FGF2: variants seen among roughly 807,000 people sequenced by gnomAD.
The protein encoded by FGF2 is basic fibroblast growth factor bFGF.
Under a neutral mutation model 15.9 loss-of-function variants are expected in FGF2, and 13 were observed. The observed-to-expected ratio is 0.82, with a 90% CI of 0.53 to 1.30. FGF2 has a LOEUF of 1.30. Among genes scored for constraint, FGF2 ranks in the 50% most tolerant of loss-of-function variants. The pLI is 0.00. For synonymous variants in FGF2, 90 were observed against 78.4 expected, an observed-to-expected ratio of 1.15 and a Z score of -0.78; for missense variants, 163 against 196.9, an observed-to-expected ratio of 0.83 and a Z score of 1.03.
intron 2 of FGF2, among the ~76,000 whole-genome samples, chr4:122,877,429 C>G (rs1195488357): frequency 6.6e-6 from 1 of 152,100 alleles, no homozygotes; most frequent in African/African-American, 2.4e-5. Flanking sequence ...AGGAACTTTT[C>G]TTTTTTACAT....
intron 1 of FGF2, among the ~76,000 whole-genome samples, chr4:122,875,590 C>T (rs45472597): frequency 0.014 from 2,169 of 152,096 alleles, 52 homozygotes; most frequent in African/African-American, 0.049. Flanking sequence ...AGGTGGGTCA[C>T]GAGGTCAGGA....
In FGF2 at chr4:122,892,357, G is replaced by C. The variant is rs1188387338; in HGVS notation, c.429G>C (p.Gln143His). ...TTGGATCCAAAACAGGACCTGGGCAGAAAGCTATACTTTTTCTTCCAATGT... is the reference window on the plus strand; with the variant it reads ...TTGGATCCAAAACAGGACCTGGGCACAAAGCTATACTTTTTCTTCCAATGT... The part of the protein sequence containing the change: ...YKLGSKTGPG[Q>H]KAILFLPMSA... Residue 143 changes from glutamine (Q) to histidine (H), a missense_variant, in exon 3 of 3, where the codon CAG (glutamine) becomes CAC (histidine). By Grantham distance (24) the Gln-to-His change is conservative. Coordinates refer to ENST00000644866, the MANE Select transcript of FGF2 (RefSeq NM_001361665.2). The C allele has an allele frequency of 6.2e-7, 1 of 1,614,154 alleles. No homozygotes were observed. Among genetic ancestry groups the C allele is most frequent in the East Asian group, 2.2e-5 (1 of 44,872 alleles).
intron 1 of FGF2, among the ~76,000 whole-genome samples, chr4:122,851,635 G>T (rs1664511387): frequency 6.6e-6 from 1 of 152,198 alleles, no homozygotes; most frequent in East Asian, 1.9e-4. Context: ...TGTCTAAATA[G>T]GGGCTAGAAT....
intron 2 of FGF2, among the ~76,000 whole-genome samples, chr4:122,881,464 G>T (rs901505780): frequency 1.3e-5 from 2 of 152,164 alleles, no homozygotes; most frequent in Admixed American, 1.3e-4. Flanking sequence ...CATTTCTTCC[G>T]CCAGATACCC....
chr4:122,854,429 A>G, intron 1 of FGF2, among the ~76,000 whole-genome samples: 1 of 152,332 alleles, frequency 6.6e-6, no homozygotes, highest in South Asian at 2.1e-4. Context: ...ACAATTTCAA[A>G]TAGCATATTT....
At chr4:122,835,131 T>G (rs1419045892) in intron 1 of FGF2, among the ~76,000 whole-genome samples, 2 of 152,166 alleles carry the variant, frequency 1.3e-5, no homozygotes, top group Non-Finnish European at 2.9e-5. Flanking sequence ...TCCCCCAAAC[T>G]GCTGTTGAAA....
chr4:122,845,614 A>C (rs1354424541), intron 1 of FGF2, among the ~76,000 whole-genome samples: 1 of 152,194 alleles, frequency 6.6e-6, no homozygotes, highest in East Asian at 1.9e-4. Context: ...TGTTTATGTT[A>C]TGGAGATGGC....
At chr4:122,886,262 AG>A (rs1418053849) in intron 2 of FGF2, among the ~76,000 whole-genome samples, 2 of 152,026 alleles carry the variant, frequency 1.3e-5, no homozygotes, top group African/African-American at 4.8e-5. Context: ...AGTGTTTGAG[AG>A]GAAGACTATA....
At chr4:122,885,980 G>A (rs763943295) in intron 2 of FGF2, among the ~76,000 whole-genome samples, 2 of 133,618 alleles carry the variant, frequency 1.5e-5, no homozygotes, top group Non-Finnish European at 3.1e-5. Flanking sequence ...GGGCAGTGGT[G>A]TGATCATAGA....
chr4:122,892,525 C>A lies in FGF2; in HGVS notation c.*129C>A. ...ATAATTGGTCAAACAATTTTTTATC[C>A]AGTAGTAAAATATGTAACCATTGTC... On this transcript the variant is annotated 3_prime_UTR_variant, in exon 3 of 3. Coordinates refer to ENST00000644866, the MANE Select transcript of FGF2 (RefSeq NM_001361665.2). The A allele has an allele frequency of 6.6e-7, 1 of 1,514,496 alleles. No homozygotes were observed. The allele number at this position is 1,514,496 out of a possible 1,614,324, so 93.8% of individuals were successfully genotyped here.
At chr4:122,876,992 A>G (rs1287249266) in intron 2 of FGF2, among the ~76,000 whole-genome samples, 1 of 152,226 alleles carries the variant, frequency 6.6e-6, no homozygotes, top group Non-Finnish European at 1.5e-5. Context: ...ATCAGAATTT[A>G]ATTAGATACT....
At chr4:122,833,465 T>C (rs966644783) in intron 1 of FGF2, among the ~76,000 whole-genome samples, 2 of 152,186 alleles carry the variant, frequency 1.3e-5, no homozygotes, top group Non-Finnish European at 2.9e-5. Context: ...TAACTCAAAT[T>C]AGCCAAGAAA....
At chr4:122,873,568 T>C (rs1726780911) in intron 1 of FGF2, among the ~76,000 whole-genome samples, 1 of 152,228 alleles carries the variant, frequency 6.6e-6, no homozygotes, top group Non-Finnish European at 1.5e-5. Flanking sequence ...AGTTTATTCC[T>C]CCTTCTATCA....
intron 1 of FGF2, among the ~76,000 whole-genome samples, chr4:122,873,320 C>T (rs945884814): frequency 1.3e-5 from 2 of 152,232 alleles, no homozygotes; most frequent in Non-Finnish European, 1.5e-5. Flanking sequence ...GGACTGCTGC[C>T]TTGCATTCTG....
chr4:122,846,498 G>A (rs1419201179), intron 1 of FGF2, among the ~76,000 whole-genome samples: 1 of 152,150 alleles, frequency 6.6e-6, no homozygotes, highest in East Asian at 1.9e-4. Context: ...TTTATTAAGT[G>A]AAATAAGGAA....
intron 1 of FGF2, among the ~76,000 whole-genome samples, chr4:122,836,617 A>G (rs964721650): frequency 5.3e-5 from 8 of 152,182 alleles, no homozygotes; most frequent in African/African-American, 1.9e-4. Context: ...CTGAGGCTGA[A>G]TTTACTCATC....
At chr4:122,830,071 T>G (rs1725729394) in intron 1 of FGF2, among the ~76,000 whole-genome samples, 1 of 152,244 alleles carries the variant, frequency 6.6e-6, no homozygotes, top group Admixed American at 6.5e-5. Flanking sequence ...CCTGAACATC[T>G]GTCACTGGAA....
intron 2 of FGF2, chr4:122,888,949 T>C (rs1467286232): frequency 1.3e-5 from 2 of 152,204 alleles, no homozygotes; most frequent in East Asian, 3.8e-4. Context: ...TTGATGTGTC[T>C]TAGATGCCTA....
chr4:122,883,971 A>G lies in FGF2; in HGVS notation c.282+7547A>G, dbSNP rs544151998. Among the ~76,000 whole-genome samples, 6 of 152,350 alleles carry G rather than the reference A, an allele frequency of 3.9e-5. No homozygotes were observed. In the South Asian group the frequency reaches 6.2e-4, roughly 16 times the overall value. Reference sequence around the variant, plus strand: ...GGGCCTTCACAATGACATGAAATCTATAATAAAGTAAAGTAGAGAAAATAG... The same window carrying G: ...GGGCCTTCACAATGACATGAAATCTGTAATAAAGTAAAGTAGAGAAAATAG... On this transcript the variant is annotated intron_variant, in intron 2 of 2. Coordinates refer to ENST00000644866, the MANE Select transcript of FGF2 (RefSeq NM_001361665.2).
Sources: gnomAD v4.1 joint callset for allele counts (sites outside exome capture counted in the v4.1 genomes callset) on GRCh38, gnomAD v4.1.1 for gene constraint, MANE v1.5 for transcripts, NCBI Gene and HGNC (gene_info 2026-07-23, HGNC 2026-07-21) for gene names.